The following ZNF546 variants were observed in gnomAD, a reference collection of about 807,000 sequenced individuals.
ZNF546 encodes the protein CTC-471F3.6.
In ZNF546, 60 loss-of-function variants were observed where a neutral mutation model predicts 76.2. The ratio of observed to expected loss-of-function variants is 0.79; its 90% CI spans 0.64 to 0.98. The LOEUF (loss-of-function observed/expected upper bound fraction) is 0.98, where lower values mean the gene tolerates loss of function less well. Among genes scored for constraint, ZNF546 ranks in the 50% least tolerant of loss-of-function variants. The pLI is 0.00. For missense variants in ZNF546, 936 were observed against 1,035.6 expected (o/e 0.90, Z 1.32); for synonymous variants, 277 against 328.1 (o/e 0.84, Z 1.68).
rs1971591815 is a variant in ZNF546 at position 40,005,356 on chromosome 19, G to A, written c.85-740G>A. ...CATCTTAATACACATCATTTGCTTT[G>A]GGTAGAGTCCCAAAATTAGGTTTGG... On this transcript the variant is annotated intron_variant, in intron 3 of 6. Coordinates refer to ENST00000347077, the MANE Select transcript of ZNF546 (RefSeq NM_178544.5). 2.0e-5 allele frequency among the ~76,000 whole-genome samples: 3 copies of A among 152,056 alleles called. No homozygotes were observed. In the South Asian group the frequency reaches 6.2e-4, roughly 32 times the overall value.
At position 40,006,278 on chromosome 19, in the gene ZNF546, C is replaced by G. The variant is rs74798509; in HGVS notation, c.171+96C>G. ...TTGAGACTTCCTTCCTAAGACAACCCTGTTGTGGAACCTGCTCCCTAGTTA... is the reference window on the plus strand; with the variant it reads ...TTGAGACTTCCTTCCTAAGACAACCGTGTTGTGGAACCTGCTCCCTAGTTA... On this transcript the variant is annotated intron_variant, in intron 4 of 6. Transcript: ENST00000347077. 11,044 of 1,134,556 alleles carry G rather than the reference C, an allele frequency of 9.7e-3. 140 individuals are homozygous for G. Among genetic ancestry groups the G allele is most frequent in the African/African-American group, 0.047 (2,974 of 63,478 alleles). 70.3% of individuals were successfully genotyped at this position (1,134,556 alleles called of 1,614,324 possible).
chr19:40,015,821 G>T lies in ZNF546; in HGVS notation c.*40G>T. 1 of 1,581,406 alleles carries T rather than the reference G, an allele frequency of 6.3e-7. No individual in the cohort carries two copies. The highest frequency in any genetic ancestry group is 8.7e-7 in the Non-Finnish European group (1 of 1,152,360). On this transcript the variant is annotated 3_prime_UTR_variant, in exon 7 of 7. Coordinates refer to ENST00000347077, the MANE Select transcript of ZNF546 (RefSeq NM_178544.5). ...CCTTTAGAAAATGCCCTTTAGCAGA[G>T]AATTTGTAATTTAAGAAATTTTCTG...
chr19:40,014,277 A>C lies in ZNF546; in HGVS notation c.1007A>C (p.Lys336Thr). The C allele has an allele frequency of 6.2e-7, 1 of 1,614,080 alleles. No individual in the cohort carries two copies. The highest frequency in any genetic ancestry group is 2.2e-5 in the East Asian group (1 of 44,870). ...CCTTATGAATGTAAAGAATGTGGGA[A>C]GGCCTTTAGACTTCATTATCAACTA... ...ERPYECKECG[K>T]AFRLHYQLTE... Residue 336 changes from lysine to threonine, a missense_variant, in exon 7 of 7, where the codon AAG becomes ACG. By Grantham distance (78) the Lys-to-Thr change is moderately conservative. Coordinates refer to ENST00000347077, the MANE Select transcript of ZNF546 (RefSeq NM_178544.5).
At chr19:40,002,761 G>A (rs113866208) in intron 3 of ZNF546, among the ~76,000 whole-genome samples, 3,155 of 150,802 alleles carry the variant, frequency 0.021, 78 homozygotes, top group African/African-American at 0.052. Flanking sequence ...GTACAGTGGC[G>A]AGATCTCAGC....
intron 6 of ZNF546, among the ~76,000 whole-genome samples, chr19:40,010,403 A>G (rs1479545329): frequency 3.0e-5 from 4 of 135,022 alleles, no homozygotes; most frequent in African/African-American, 8.3e-5. Context: ...ATAATGTCTG[A>G]AAAAAAAAAA....
chr19:40,018,787 T>A lies in ZNF546; in HGVS notation c.*3006T>A, dbSNP rs1238591336. The A allele has an allele frequency of 6.6e-6, 1 of 152,256 alleles. No individual in the cohort carries two copies. Among genetic ancestry groups the A allele is most frequent in the South Asian group, 2.1e-4 (1 of 4,828 alleles). 9.4% of individuals were successfully genotyped at this position (152,256 alleles called of 1,614,324 possible). A position where few individuals can be genotyped will look rare whatever the true frequency, so the allele number is the denominator to read the frequency against. Reference sequence around the variant, plus strand: ...GCTGTAATTGAGGTAACAGCCGGGATCCAGCACCAAGTGTATGAGGGTATG... The same window carrying A: ...GCTGTAATTGAGGTAACAGCCGGGAACCAGCACCAAGTGTATGAGGGTATG... On this transcript the variant is annotated 3_prime_UTR_variant, in exon 7 of 7. Transcript: ENST00000347077.
intron 3 of ZNF546, chr19:39,998,700 T>C (rs1428212745): frequency 1.5e-5 from 6 of 403,798 alleles, no homozygotes; most frequent in Non-Finnish European, 2.7e-5. Flanking sequence ...TTTATTTTTA[T>C]ACAGAGTTAG....
Position 40,014,924 on chromosome 19 carries a change from C to A in ZNF546, c.1654C>A (p.Pro552Thr). The part of the protein sequence containing the change: ...RHHRIHTCEK[P>T]YECKECGKAF... ...TCACAGAATTCATACATGTGAGAAA[C>A]CCTATGAATGTAAGGAATGTGGGAA... Residue 552 changes from proline to threonine, a missense_variant, in exon 7 of 7, where the codon CCC (proline) becomes ACC (threonine). Transcript: ENST00000347077. 1.2e-6 allele frequency: 2 copies of A among 1,614,054 alleles called. No homozygotes were observed. The highest frequency in any genetic ancestry group is 1.7e-6 in the Non-Finnish European group (2 of 1,180,022).
At chr19:40,003,705 A>G (rs1267990007) in intron 3 of ZNF546, among the ~76,000 whole-genome samples, 1 of 152,168 alleles carries the variant, frequency 6.6e-6, no homozygotes, top group Non-Finnish European at 1.5e-5. Flanking sequence ...GAAAAAAGAC[A>G]TTCAGTAAAA....
Position 40,015,930 on chromosome 19 carries a change from A to C in ZNF546, c.*149A>C. The C allele has an allele frequency of 1.4e-6, 1 of 733,180 alleles. No homozygotes were observed. The highest frequency in any genetic ancestry group is 2.3e-6 in the Non-Finnish European group (1 of 438,150). 45.4% of individuals were successfully genotyped at this position (733,180 alleles called of 1,614,324 possible). A position where few individuals can be genotyped will look rare whatever the true frequency, so the allele number is the denominator to read the frequency against. On this transcript the variant is annotated 3_prime_UTR_variant, in exon 7 of 7. Coordinates refer to ENST00000347077, the MANE Select transcript of ZNF546 (RefSeq NM_178544.5). ...ATTTCGTATGTTAAAGAGTCGAAAG[A>C]CTATAGCATCACTCAGTCCCTGTTA...
intron 3 of ZNF546, among the ~76,000 whole-genome samples, chr19:39,999,281 T>C (rs2144634629): frequency 6.6e-6 from 1 of 152,358 alleles, no homozygotes; most frequent in South Asian, 2.1e-4. Flanking sequence ...ATCTTAACAG[T>C]GAAAAGGTCT....
At position 40,008,564 on chromosome 19, in the gene ZNF546, A is replaced by T; in HGVS notation, c.393A>T (p.Thr131=). Residue 131 remains threonine (T), a splice_region_variant and synonymous_variant, in exon 6 of 7, where the codon ACA becomes ACT. Transcript: ENST00000347077. The part of the protein sequence containing the change: ...VMREGTRNWF[T]DLEYKYITKN... ...GGGAAGGGACAAGGAATTGGTTCAC[A>T]GGTGAGTGACAGCAAATTAGGCGGG... The T allele has an allele frequency of 6.2e-7, 1 of 1,611,920 alleles. No individual in the cohort carries two copies. Among genetic ancestry groups the T allele is most frequent in the Non-Finnish European group, 8.5e-7 (1 of 1,178,436 alleles).
chr19:40,007,488 GCTGA>G (rs1971619603), intron 5 of ZNF546, 88 bp downstream of exon 5: 5 of 1,299,552 alleles, frequency 3.8e-6, no homozygotes, highest in Non-Finnish European at 5.1e-6. Flanking sequence ...GTTTTAAGAG[GCTGA>G]CTGACACCCC....
rs188489065 is a variant in ZNF546 at position 40,009,811 on chromosome 19, T to C, written c.394+1246T>C. Among the ~76,000 whole-genome samples the C allele has an allele frequency of 7.9e-5, 12 of 151,956 alleles. No individual in the cohort carries two copies. The East Asian group carries it at 1.5e-3, about 20-fold the overall frequency. On this transcript the variant is annotated intron_variant, in intron 6 of 6. Coordinates refer to ENST00000347077, the MANE Select transcript of ZNF546 (RefSeq NM_178544.5). ...ATTTAGCTTCATTCACTCAGCAAAA[T>C]TATTTTGAGATTCATCCATGTTGCT...
chr19:40,004,126 TAA>T (rs1491358442), intron 3 of ZNF546, among the ~76,000 whole-genome samples: 1 of 133,384 alleles, frequency 7.5e-6, no homozygotes, highest in Non-Finnish European at 1.5e-5. Context: ...ATAACTATAT[TAA>T]TATATATATA....
chr19:40,008,635 C>A, intron 6 of ZNF546, 70 bp downstream of exon 6: 1 of 1,275,334 alleles, frequency 7.8e-7, no homozygotes, highest in South Asian at 1.3e-5. Flanking sequence ...GGAGGAGGCA[C>A]AGCACTGAGT....
In ZNF546 at chr19:40,017,577, G is replaced by A. The variant is rs1971789287; in HGVS notation, c.*1796G>A. On this transcript the variant is annotated 3_prime_UTR_variant, in exon 7 of 7. Transcript: ENST00000347077. Reference sequence around the variant, plus strand: ...AATTGTCCAACCTGTCTGTGCCCCAGGGCAGCTTTGAATGCAGTCCAACAG... The same window carrying A: ...AATTGTCCAACCTGTCTGTGCCCCAAGGCAGCTTTGAATGCAGTCCAACAG... 1 of 152,146 alleles carries A rather than the reference G, an allele frequency of 6.6e-6. No homozygotes were observed. Among genetic ancestry groups the A allele is most frequent in the African/African-American group, 2.4e-5 (1 of 41,438 alleles). 9.4% of individuals were successfully genotyped at this position (152,146 alleles called of 1,614,324 possible). A position where few individuals can be genotyped will look rare whatever the true frequency, so the allele number is the denominator to read the frequency against.
rs1971769768 is a variant in ZNF546 at position 40,016,479 on chromosome 19, C to T, written c.*698C>T. 6.6e-6 allele frequency: 1 copy of T among 152,136 alleles called. No homozygotes were observed. Among genetic ancestry groups the T allele is most frequent in the Non-Finnish European group, 1.5e-5 (1 of 68,070 alleles). The allele number at this position is 152,136 out of a possible 1,614,324, so 9.4% of individuals were successfully genotyped here. A position where few individuals can be genotyped will look rare whatever the true frequency, so the allele number is the denominator to read the frequency against. On this transcript the variant is annotated 3_prime_UTR_variant, in exon 7 of 7. Coordinates refer to ENST00000347077, the MANE Select transcript of ZNF546 (RefSeq NM_178544.5). The stretch of plus-strand genomic sequence containing the variant: ...AGGTTGCAGTGAGCTGAGATCGCAC[C>T]ACTGCACTCTAGCTTGGGCAACAGA...
chr19:39,999,807 C>T (rs1168028953), intron 3 of ZNF546: 1 of 152,122 alleles, frequency 6.6e-6, no homozygotes, highest in Non-Finnish European at 1.5e-5. Flanking sequence ...AAACTCCTGA[C>T]CTCAGGTGAT....
Sources: gnomAD v4.1 joint callset for allele counts (sites outside exome capture counted in the v4.1 genomes callset) on GRCh38, gnomAD v4.1.1 for gene constraint, MANE v1.5 for transcripts, NCBI Gene and HGNC (gene_info 2026-07-23, HGNC 2026-07-21) for gene names.